The following NRXN3 variants were observed in gnomAD, a reference collection of about 807,000 sequenced individuals.
NRXN3 encodes neurexin III.
In NRXN3, 32 loss-of-function variants were observed where a neutral mutation model predicts 137.6. That is an observed-to-expected ratio of 0.23 (90% CI 0.18 to 0.31). The LOEUF (loss-of-function observed/expected upper bound fraction) is 0.31, where lower values mean the gene tolerates loss of function less well. Ranked by LOEUF, NRXN3 falls within the 10% of genes least tolerant of loss-of-function variation. The probability of loss-of-function intolerance (pLI) is 1.00; values close to 1 mark genes in which losing one functional copy is unlikely to be tolerated. For missense variants in NRXN3, 1,574 were observed against 2,062.5 expected, an observed-to-expected ratio of 0.76 and a Z score of 4.59; for synonymous variants, 798 against 784.5, an observed-to-expected ratio of 1.02 and a Z score of -0.29.
chr14:79,109,927 GT>G (rs2053173110), intron 15 of NRXN3, among the ~76,000 whole-genome samples: 2 of 151,908 alleles, frequency 1.3e-5, no homozygotes, highest in African/African-American at 4.8e-5. Flanking sequence ...GGTATAAAAA[GT>G]TACTAACAAC....
intron 6 of NRXN3, among the ~76,000 whole-genome samples, chr14:78,681,373 T>C (rs535594924): frequency 6.6e-6 from 1 of 152,162 alleles, no homozygotes; most frequent in Non-Finnish European, 1.5e-5. Context: ...CTTATCCCTA[T>C]AGGCACAGAT....
At chr14:78,395,105 TA>T (rs1432827030) in intron 4 of NRXN3, among the ~76,000 whole-genome samples, 2 of 151,870 alleles carry the variant, frequency 1.3e-5, no homozygotes, top group African/African-American at 2.4e-5. Context: ...TTGGATTTAT[TA>T]TTTTTTTTTA....
intron 4 of NRXN3, among the ~76,000 whole-genome samples, chr14:78,573,074 C>A (rs575691927): frequency 1.2e-3 from 178 of 152,292 alleles, no homozygotes; most frequent in African/African-American, 4.2e-3. Context: ...GTATAAGAGG[C>A]TACCCCTTTT....
chr14:78,658,135 A>G (rs1038332173), intron 6 of NRXN3, among the ~76,000 whole-genome samples: 2 of 152,150 alleles, frequency 1.3e-5, no homozygotes, highest in Non-Finnish European at 2.9e-5. Flanking sequence ...TTTTCCTGTC[A>G]TGAAGACTAC....
rs999925830 is a variant in NRXN3, at chr14:79,427,677, C to T, written c.3263-39544C>T. On this transcript the variant is annotated intron_variant, in intron 15 of 20. Transcript: ENST00000335750. The stretch of plus-strand genomic sequence containing the variant: ...TGAAACCCCATCTCTACTAAAAATA[C>T]AAAAATTGGTCGGGAGTGGTGGCAT... Among the ~76,000 whole-genome samples, 4 of 151,908 alleles carry T rather than the reference C, an allele frequency of 2.6e-5. No individual in the cohort carries two copies. In the South Asian group the frequency reaches 8.3e-4, roughly 32 times the overall value.
intron 16 of NRXN3, among the ~76,000 whole-genome samples, chr14:79,618,476 G>T (rs1332496269): frequency 6.6e-6 from 1 of 152,004 alleles, no homozygotes; most frequent in African/African-American, 2.4e-5. Context: ...TTCACTTAGG[G>T]TAATTGCCTC....
At chr14:79,501,603 A>T (rs2153673209) in intron 16 of NRXN3, among the ~76,000 whole-genome samples, 1 of 152,294 alleles carries the variant, frequency 6.6e-6, no homozygotes, top group South Asian at 2.1e-4. Flanking sequence ...CCCTTGAGGG[A>T]CTTGCCAAAG....
At chr14:79,198,605 T>C (rs989797633) in intron 15 of NRXN3, among the ~76,000 whole-genome samples, 2 of 152,196 alleles carry the variant, frequency 1.3e-5, no homozygotes, top group African/African-American at 4.8e-5. Flanking sequence ...AAAGAGGCAA[T>C]ATTCCTAGAA....
chr14:78,806,062 TC>T (rs35101657), intron 9 of NRXN3, among the ~76,000 whole-genome samples: 2 of 138,012 alleles, frequency 1.4e-5, no homozygotes, highest in African/African-American at 5.2e-5. Context: ...TTTTTTTTTT[TC>T]CCCTTTGGCT....
intron 15 of NRXN3, among the ~76,000 whole-genome samples, chr14:79,284,048 A>C (rs374436102): frequency 6.6e-6 from 1 of 151,946 alleles, no homozygotes. Context: ...CCATATGTAA[A>C]TATCATTTTT....
At chr14:78,248,348 T>C (rs2068061653) in intron 2 of NRXN3, among the ~76,000 whole-genome samples, 1 of 120,946 alleles carries the variant, frequency 8.3e-6, no homozygotes, top group Admixed American at 1.0e-4. Flanking sequence ...GAAGCTCAGA[T>C]CCTACTCAGG....
chr14:79,422,919 C>T (rs1377914860), intron 15 of NRXN3, among the ~76,000 whole-genome samples: 6 of 151,910 alleles, frequency 3.9e-5, no homozygotes, highest in South Asian at 2.1e-4. Context: ...AGGCTGGTCT[C>T]GAACTCCTGA....
chr14:79,351,165 C>T (rs557332878), intron 15 of NRXN3, among the ~76,000 whole-genome samples: 3 of 152,262 alleles, frequency 2.0e-5, no homozygotes, highest in African/African-American at 7.2e-5. Flanking sequence ...TCTGTCTGAC[C>T]AACTAATCTC....
At position 78,414,875 on chromosome 14, in the gene NRXN3, A is replaced by G. The variant is rs76412569; in HGVS notation, c.757+117015A>G. On this transcript the variant is annotated intron_variant, in intron 4 of 20. Transcript: ENST00000335750. ...AAGAAGTCTGACTCTTTGGATTAAT[A>G]TAAAAATCTTGCCATGTAGCATGTG... 6.5e-3 allele frequency among the ~76,000 whole-genome samples: 990 copies of G among 152,330 alleles called. 38 individuals are homozygous for G. The East Asian group carries it at 0.067, about 10-fold the overall frequency.
At chr14:79,366,439 C>T (rs2093896099) in intron 15 of NRXN3, among the ~76,000 whole-genome samples, 1 of 152,136 alleles carries the variant, frequency 6.6e-6, no homozygotes, top group Non-Finnish European at 1.5e-5. Context: ...CACCCGCTAA[C>T]TGTCTCTACC....
chr14:79,171,034 A>G (rs1391079443), intron 15 of NRXN3, among the ~76,000 whole-genome samples: 1 of 152,014 alleles, frequency 6.6e-6, no homozygotes, highest in Non-Finnish European at 1.5e-5. Context: ...GAGCCCTTTA[A>G]ACACATAGAC....
chr14:78,907,350 T>G (rs2152765215), intron 10 of NRXN3, among the ~76,000 whole-genome samples: 1 of 152,170 alleles, frequency 6.6e-6, no homozygotes, highest in South Asian at 2.1e-4. Context: ...GCCACTTTTC[T>G]GTCTCCATCA....
chr14:79,636,312 A>G (rs976164389), intron 16 of NRXN3, among the ~76,000 whole-genome samples: 4 of 152,234 alleles, frequency 2.6e-5, no homozygotes, highest in African/African-American at 9.6e-5. Context: ...ATCAACAAAT[A>G]TATTGTCACC....
At chr14:79,765,258 A>T (rs949270483) in intron 19 of NRXN3, among the ~76,000 whole-genome samples, 3 of 152,234 alleles carry the variant, frequency 2.0e-5, no homozygotes, top group Non-Finnish European at 4.4e-5. Context: ...ATACAGTAGG[A>T]GGAAGGAGAA....
Sources: allele counts gnomAD v4.1 joint callset (sites outside exome capture counted in the v4.1 genomes callset), GRCh38; gene constraint gnomAD v4.1.1; transcripts MANE v1.5; gene names NCBI Gene and HGNC (gene_info 2026-07-23, HGNC 2026-07-21).